Variants in PTPRD observed in about 807,000 individuals in gnomAD.
PTPRD encodes receptor-type tyrosine-protein phosphatase delta.
PTPRD carries 34 observed loss-of-function variants against 214.5 expected under a neutral mutation model. The observed-to-expected ratio is 0.16, with a 90% CI of 0.12 to 0.21. The LOEUF (loss-of-function observed/expected upper bound fraction) is 0.21, where lower values mean the gene tolerates loss of function less well. PTPRD is among the 10% of genes least tolerant of loss of function. The pLI is 1.00. For missense variants in PTPRD, 2,545 were observed against 2,398.7 expected, an observed-to-expected ratio of 1.06 and a Z score of -1.27; for synonymous variants, 1,128 against 845.7, an observed-to-expected ratio of 1.33 and a Z score of -5.79.
intron 36 of PTPRD, among the ~76,000 whole-genome samples, chr9:8,395,204 C>T (rs565692175): frequency 3.3e-5 from 5 of 152,166 alleles, no homozygotes; most frequent in African/African-American, 7.2e-5. Context: ...ACTCAAGACC[C>T]GACAGAGCAC....
In PTPRD at chr9:9,233,138, A is replaced by C. The variant is rs140281321; in HGVS notation, c.-202-49775T>G. Among the ~76,000 whole-genome samples, 538 of 152,258 alleles carry C rather than the reference A, an allele frequency of 3.5e-3. 6 individuals are homozygous for C. The highest frequency in any genetic ancestry group is 0.012 in the African/African-American group (518 of 41,560). ...AATACCAGAGACTGGGTAATTTATA[A>C]AGAAAAGAGGTTTAATTGACTCCCA... On this transcript the variant is annotated intron_variant, in intron 9 of 45. Coordinates refer to ENST00000381196, the MANE Select transcript of PTPRD (RefSeq NM_002839.4).
intron 8 of PTPRD, among the ~76,000 whole-genome samples, chr9:9,481,974 T>C (rs2095431976): frequency 6.6e-6 from 1 of 152,172 alleles, no homozygotes; most frequent in Non-Finnish European, 1.5e-5. Flanking sequence ...TATATTTCAA[T>C]GTTTCACTTT....
chr9:9,912,948 C>T (rs900300012), intron 5 of PTPRD, among the ~76,000 whole-genome samples: 1 of 152,028 alleles, frequency 6.6e-6, no homozygotes, highest in Admixed American at 6.6e-5. Flanking sequence ...GCTCTTCCTT[C>T]TCTCTTTCTT....
intron 10 of PTPRD, among the ~76,000 whole-genome samples, chr9:9,122,955 T>A (rs578158605): frequency 6.6e-6 from 1 of 152,188 alleles, no homozygotes; most frequent in Non-Finnish European, 1.5e-5. Flanking sequence ...ATAGAGTTTG[T>A]GACATGGGGA....
At chr9:9,556,792 A>T (rs1029299173) in intron 8 of PTPRD, among the ~76,000 whole-genome samples, 2 of 152,186 alleles carry the variant, frequency 1.3e-5, no homozygotes, top group Non-Finnish European at 2.9e-5. Flanking sequence ...CTGTGGTTCA[A>T]AATCTTGATG....
At position 8,493,513 on chromosome 9, in the gene PTPRD, A is replaced by G. The variant is rs563753961; in HGVS notation, c.2350-534T>C. On this transcript the variant is annotated intron_variant, in intron 26 of 45. Transcript: ENST00000381196. ...CCAGCATAGTCTGTTTTATCACTAT[A>G]GACGAATTTTGCCAAATGGTTGTTG... 1.1e-4 allele frequency among the ~76,000 whole-genome samples: 17 copies of G among 152,352 alleles called. No homozygotes were observed. In the Middle Eastern group the frequency reaches 0.01, roughly 91 times the overall value.
At chr9:9,199,094 A>G (rs77437084) in intron 9 of PTPRD, among the ~76,000 whole-genome samples, 4 of 152,176 alleles carry the variant, frequency 2.6e-5, no homozygotes, top group African/African-American at 9.6e-5. Context: ...TGAGAGCCTT[A>G]GGGCTTCTCT....
intron 2 of PTPRD, among the ~76,000 whole-genome samples, chr9:10,503,537 G>C (rs1258814539): frequency 6.6e-6 from 1 of 151,994 alleles, no homozygotes; most frequent in Non-Finnish European, 1.5e-5. Context: ...TATAGAAAAA[G>C]ATATTTAACC....
At chr9:10,456,006 A>T (rs1588570638) in intron 2 of PTPRD, among the ~76,000 whole-genome samples, 1 of 151,776 alleles carries the variant, frequency 6.6e-6, no homozygotes, top group Non-Finnish European at 1.5e-5. Context: ...CTTTGTTATA[A>T]GCCAACCCAA....
rs13297463 is a variant in PTPRD, at chr9:9,909,945, T to C, written c.-368+28562A>G. 6.9e-3 allele frequency among the ~76,000 whole-genome samples: 1,055 copies of C among 152,098 alleles called. 6 individuals carry two copies. Among genetic ancestry groups the C allele is most frequent in the Non-Finnish European group, 0.011 (770 of 67,900 alleles). Reference sequence around the variant, plus strand: ...ATACCTATAGATAGTAGATAAGGCATGCATACAAATGACAAAATCATCCTA... The same window carrying C: ...ATACCTATAGATAGTAGATAAGGCACGCATACAAATGACAAAATCATCCTA... On this transcript the variant is annotated intron_variant, in intron 5 of 45. Coordinates refer to ENST00000381196, the MANE Select transcript of PTPRD (RefSeq NM_002839.4).
At chr9:9,426,512 C>T (rs1230313539) in intron 8 of PTPRD, among the ~76,000 whole-genome samples, 1 of 152,198 alleles carries the variant, frequency 6.6e-6, no homozygotes, top group South Asian at 2.1e-4. Context: ...GGAGCAGAAA[C>T]TTCTGCAGAC....
chr9:8,915,683 G>A (rs996745332), intron 11 of PTPRD, among the ~76,000 whole-genome samples: 2 of 152,140 alleles, frequency 1.3e-5, no homozygotes, highest in African/African-American at 4.8e-5. Flanking sequence ...TTCAACTCAA[G>A]TCCGAAGGCA....
intron 3 of PTPRD, among the ~76,000 whole-genome samples, chr9:10,326,277 C>G (rs981019482): frequency 2.0e-5 from 3 of 151,686 alleles, no homozygotes; most frequent in African/African-American, 7.3e-5. Flanking sequence ...AAAAAGAGTT[C>G]CTCTAAACTG....
chr9:9,120,183 G>C (rs570945679), intron 10 of PTPRD, among the ~76,000 whole-genome samples: 1 of 152,290 alleles, frequency 6.6e-6, no homozygotes, highest in East Asian at 1.9e-4. Flanking sequence ...GAAGGCTTTT[G>C]GAAGTCATAG....
chr9:9,682,332 T>G (rs1021371172), intron 7 of PTPRD, among the ~76,000 whole-genome samples: 3 of 151,774 alleles, frequency 2.0e-5, no homozygotes, highest in African/African-American at 7.3e-5. Flanking sequence ...ATACACTATA[T>G]TTTTTATTTT....
chr9:9,813,607 C>G (rs1388661240), intron 5 of PTPRD, among the ~76,000 whole-genome samples: 1 of 151,950 alleles, frequency 6.6e-6, no homozygotes, highest in African/African-American at 2.4e-5. Context: ...AATGATCATG[C>G]AAAGGTTTGA....
At chr9:9,013,052 G>A (rs1188316664) in intron 11 of PTPRD, among the ~76,000 whole-genome samples, 1 of 152,112 alleles carries the variant, frequency 6.6e-6, no homozygotes, top group Non-Finnish European at 1.5e-5. Flanking sequence ...GTTAAAGGGG[G>A]GGATGCAGAT....
chr9:8,472,618 A>C (rs1441033857), intron 30 of PTPRD, among the ~76,000 whole-genome samples: 3 of 152,216 alleles, frequency 2.0e-5, no homozygotes, highest in African/African-American at 7.2e-5. Context: ...TGCATTTCAA[A>C]GACTTAGCAT....
In PTPRD at chr9:9,121,421, T is replaced by C. The variant is rs560775784; in HGVS notation, c.-143+61883A>G. On this transcript the variant is annotated intron_variant, in intron 10 of 45. Transcript: ENST00000381196. ...CACAATAGGAAAATTGTGGAACCAA[T>C]CCAAATGCCCATCAATCAACAAAGA... 9.9e-4 allele frequency among the ~76,000 whole-genome samples: 151 copies of C among 152,058 alleles called. 1 individual carries two copies. The highest frequency in any genetic ancestry group is 3.2e-3 in the African/African-American group (134 of 41,476).
Sources: gnomAD v4.1 joint callset for allele counts (sites outside exome capture counted in the v4.1 genomes callset) on GRCh38, gnomAD v4.1.1 for gene constraint, MANE v1.5 for transcripts, NCBI Gene and HGNC (gene_info 2026-07-23, HGNC 2026-07-21) for gene names.